MCTP2: variants seen among roughly 807,000 people sequenced by gnomAD.
The protein encoded by MCTP2 is multiple C2 and transmembrane domain containing 2, also known as multiple C2 and transmembrane domain-containing protein 2.
Under a neutral mutation model 111.6 loss-of-function variants are expected in MCTP2, and 132 were observed. The observed-to-expected ratio is 1.18, with a 90% CI of 1.03 to 1.37. The LOEUF is 1.37. Ranked by LOEUF, MCTP2 falls within the 40% of genes most tolerant of loss-of-function variation. The probability of loss-of-function intolerance (pLI) is 0.00; values close to 1 mark genes in which losing one functional copy is unlikely to be tolerated. For synonymous variants in MCTP2, 395 were observed against 387.7 expected, an observed-to-expected ratio of 1.02 and a Z score of -0.22; for missense variants, 1,183 against 1,067.9, an observed-to-expected ratio of 1.11 and a Z score of -1.50.
At chr15:94,317,832 G>C (rs139087946) in intron 4 of MCTP2, among the ~76,000 whole-genome samples, 39 of 151,910 alleles carry the variant, frequency 2.6e-4, no homozygotes, top group African/African-American at 9.4e-4. Context: ...CTCAGATGTA[G>C]CATTTTAAAA....
intron 4 of MCTP2, among the ~76,000 whole-genome samples, chr15:94,336,159 G>A (rs960138607): frequency 6.6e-6 from 1 of 151,908 alleles, no homozygotes; most frequent in African/African-American, 2.4e-5. Flanking sequence ...ATGCATGCTC[G>A]GCACCACACC....
intron 1 of MCTP2, among the ~76,000 whole-genome samples, chr15:94,232,945 C>A (rs1342057542): frequency 6.6e-6 from 1 of 152,144 alleles, no homozygotes; most frequent in East Asian, 1.9e-4. Context: ...AGATACTATT[C>A]CCCTGTGCAG....
intron 12 of MCTP2, among the ~76,000 whole-genome samples, chr15:94,383,249 C>A (rs2152454711): frequency 6.6e-6 from 1 of 152,322 alleles, no homozygotes; most frequent in South Asian, 2.1e-4. Flanking sequence ...CTTCCTCTTA[C>A]AGCCATGTAG....
intron 10 of MCTP2, among the ~76,000 whole-genome samples, chr15:94,365,930 G>C (rs921048942): frequency 6.6e-6 from 1 of 152,170 alleles, no homozygotes; most frequent in Non-Finnish European, 1.5e-5. Flanking sequence ...ATAAGAAAGA[G>C]CTTTACTAAA....
intron 20 of MCTP2, among the ~76,000 whole-genome samples, chr15:94,463,975 T>A (rs912829917): frequency 2.0e-5 from 3 of 151,736 alleles, no homozygotes; most frequent in Admixed American, 2.0e-4. Context: ...TTTTATTTAC[T>A]TGTTTTTGCT....
In MCTP2 at chr15:94,435,629, C is replaced by CTTTTTTTTTTTTTTTTTT. The variant is rs202170550; in HGVS notation, c.2086-4544_2086-4527dup. On this transcript the variant is annotated intron_variant, in intron 17 of 22. Transcript: ENST00000357742. ...CTAAAAAAGTTGTACTTTTTTTATT[C>CTTTTTTTTTTTTTTTTTT]TTTTTTTTTTTTTTTTTTTTGAGAC... 1.4e-4 allele frequency among the ~76,000 whole-genome samples: 16 copies of CTTTTTTTTTTTTTTTTTT among 117,928 alleles called. 1 individual carries two copies. Among genetic ancestry groups the CTTTTTTTTTTTTTTTTTT allele is most frequent in the African/African-American group, 2.2e-4 (7 of 32,040 alleles). 77.4% of individuals were successfully genotyped at this position (117,928 alleles called of 152,430 possible).
intron 17 of MCTP2, among the ~76,000 whole-genome samples, chr15:94,423,808 T>C (rs1427888170): frequency 1.3e-5 from 2 of 152,194 alleles, no homozygotes; most frequent in African/African-American, 2.4e-5. Flanking sequence ...GTACGTGATC[T>C]ACTGTAAGGG....
rs2084957765 is a variant in MCTP2, at chr15:94,458,239, A to T, written c.2353A>T (p.Ile785Phe). The change falls in exon 20 of 23, where the codon ATT becomes TTT. Residue 785 changes from isoleucine (I) to phenylalanine (F), a missense_variant. Transcript: ENST00000357742. ...GGAAATAGCTTCTTTTGGAGAAAGG[A>T]TTAAGAAGTAAGTTCTAAATTTGTG... The part of the protein sequence containing the change: ...LEEIASFGER[I>F]KNTFNWTVPF... 1 of 1,589,630 alleles carries T rather than the reference A, an allele frequency of 6.3e-7. No homozygotes were observed.
intron 19 of MCTP2, among the ~76,000 whole-genome samples, chr15:94,451,307 C>T (rs1473671940): frequency 1.3e-5 from 2 of 152,032 alleles, no homozygotes; most frequent in African/African-American, 4.8e-5. Flanking sequence ...ACAAGGAAAC[C>T]TTATGAAATT....
At chr15:94,463,771 G>A (rs900269209) in intron 20 of MCTP2, among the ~76,000 whole-genome samples, 8 of 152,060 alleles carry the variant, frequency 5.3e-5, no homozygotes, top group Admixed American at 4.6e-4. Flanking sequence ...AGTTTGCTAT[G>A]AGTTTTTATT....
At chr15:94,365,919 C>T (rs975224761) in intron 10 of MCTP2, among the ~76,000 whole-genome samples, 2 of 152,108 alleles carry the variant, frequency 1.3e-5, no homozygotes, top group Non-Finnish European at 2.9e-5. Context: ...TTTACCTTTC[C>T]ATAAGAAAGA....
At chr15:94,446,432 T>C (rs1193574107) in intron 19 of MCTP2, among the ~76,000 whole-genome samples, 1 of 152,210 alleles carries the variant, frequency 6.6e-6, no homozygotes, top group Non-Finnish European at 1.5e-5. Flanking sequence ...TGGACCTTAT[T>C]TGTACGGATG....
At chr15:94,430,764 T>A (rs991006826) in intron 17 of MCTP2, among the ~76,000 whole-genome samples, 7 of 150,972 alleles carry the variant, frequency 4.6e-5, no homozygotes, top group African/African-American at 1.7e-4. Context: ...AAATAAAAAA[T>A]AAAAAAATAA....
chr15:94,285,181 T>A (rs1945591973), intron 1 of MCTP2, among the ~76,000 whole-genome samples: 1 of 152,198 alleles, frequency 6.6e-6, no homozygotes, highest in African/African-American at 2.4e-5. Context: ...ACACAGGACA[T>A]GTTTAATTCC....
At chr15:94,408,990 G>T (rs772725643) in intron 17 of MCTP2, among the ~76,000 whole-genome samples, 7 of 152,156 alleles carry the variant, frequency 4.6e-5, no homozygotes, top group Non-Finnish European at 1.0e-4. Context: ...TGCCTTCTCT[G>T]AATTTTCTTT....
At chr15:94,389,670 A>T (rs116583977) in intron 14 of MCTP2, among the ~76,000 whole-genome samples, 1,566 of 152,232 alleles carry the variant, frequency 0.01, 27 homozygotes, top group African/African-American at 0.035. Context: ...TTTCTCTCTG[A>T]TCTTTATAGG....
At chr15:94,437,020 CAG>C (rs58216605) in intron 17 of MCTP2, among the ~76,000 whole-genome samples, 21,187 of 151,402 alleles carry the variant, frequency 0.14, 1,555 homozygotes, top group East Asian at 0.25. Flanking sequence ...ATTATAGGAA[CAG>C]ATTATATATT....
intron 1 of MCTP2, among the ~76,000 whole-genome samples, chr15:94,260,095 C>T (rs1345392518): frequency 6.6e-6 from 1 of 152,188 alleles, no homozygotes; most frequent in Non-Finnish European, 1.5e-5. Context: ...AAAGGCTCCA[C>T]CTGTACCTCT....
At chr15:94,268,744 A>G (rs1308112662) in intron 1 of MCTP2, among the ~76,000 whole-genome samples, 1 of 149,840 alleles carries the variant, frequency 6.7e-6, no homozygotes, top group Non-Finnish European at 1.5e-5. Context: ...TCTTATAAGA[A>G]CTAGTAGATA....
Sources: gnomAD v4.1 joint callset for allele counts (sites outside exome capture counted in the v4.1 genomes callset) on GRCh38, gnomAD v4.1.1 for gene constraint, MANE v1.5 for transcripts, NCBI Gene and HGNC (gene_info 2026-07-23, HGNC 2026-07-21) for gene names.